The following MAN1C1 variants were observed in gnomAD, a reference collection of about 807,000 sequenced individuals.
The protein encoded by MAN1C1 is mannosidase alpha class 1C member 1.
A neutral mutation model predicts 71.5 loss-of-function variants in MAN1C1; 49 were observed. That is an observed-to-expected ratio of 0.69 (90% CI 0.54 to 0.87). The LOEUF (loss-of-function observed/expected upper bound fraction) is 0.87. Ranked by LOEUF, MAN1C1 falls within the 40% of genes least tolerant of loss-of-function variation. MAN1C1 has a pLI of 0.00. For synonymous variants in MAN1C1, 352 were observed against 343.7 expected, an observed-to-expected ratio of 1.02 and a Z score of -0.27; for missense variants, 743 against 835.0, an observed-to-expected ratio of 0.89 and a Z score of 1.36.
intron 6 of MAN1C1, among the ~76,000 whole-genome samples, chr1:25,763,144 T>C (rs1452078279): frequency 6.6e-6 from 1 of 152,152 alleles, no homozygotes; most frequent in East Asian, 1.9e-4. Context: ...GGTGCATGCC[T>C]GTAGTCTTAA....
chr1:25,754,094 A>C (rs1286171350), intron 5 of MAN1C1, among the ~76,000 whole-genome samples: 1 of 152,126 alleles, frequency 6.6e-6, no homozygotes, highest in Non-Finnish European at 1.5e-5. Flanking sequence ...CCTAGCTCTC[A>C]AGGAGCCCTA....
chr1:25,740,616 T>G (rs1410944576), intron 2 of MAN1C1, among the ~76,000 whole-genome samples: 1 of 152,086 alleles, frequency 6.6e-6, no homozygotes, highest in Non-Finnish European at 1.5e-5. Context: ...TTTTGTATTT[T>G]TAGTAGAGAC....
chr1:25,678,941 G>A (rs534598898), intron 1 of MAN1C1, among the ~76,000 whole-genome samples: 6 of 152,206 alleles, frequency 3.9e-5, no homozygotes, highest in African/African-American at 7.2e-5. Flanking sequence ...TTTCTTCAGC[G>A]AGCTTGTGTG....
At chr1:25,760,303 C>T (rs1372796780) in intron 6 of MAN1C1, 1 of 152,244 alleles carries the variant, frequency 6.6e-6, no homozygotes, top group Non-Finnish European at 1.5e-5. Context: ...TGCCCTGGGC[C>T]TTCCAGCTGG....
At chr1:25,763,726 C>T in intron 6 of MAN1C1, 148 bp from the exon 7 acceptor site, 2 of 666,986 alleles carry the variant, frequency 3.0e-6, no homozygotes, top group South Asian at 1.8e-5. Context: ...GGGTTGGAGC[C>T]TGCAGTCCGT....
chr1:25,678,725 A>G (rs2046103459), intron 1 of MAN1C1, among the ~76,000 whole-genome samples: 1 of 152,228 alleles, frequency 6.6e-6, no homozygotes, highest in African/African-American at 2.4e-5. Context: ...GTAAATGATG[A>G]TGAACCCACT....
intron 2 of MAN1C1, among the ~76,000 whole-genome samples, chr1:25,723,369 C>A (rs1049241309): frequency 6.6e-6 from 1 of 152,248 alleles, no homozygotes; most frequent in African/African-American, 2.4e-5. Flanking sequence ...TATTTCACTT[C>A]CAGAGATACC....
intron 1 of MAN1C1, chr1:25,644,519 T>TATATATATATATATATATATATA (rs1553182595): frequency 1.7e-5 from 1 of 58,446 alleles, no homozygotes; most frequent in African/African-American, 1.6e-4. Context: ...TATATATATA[T>TATATATATATATATATATATATA]TTTTTTTTTT....
intron 2 of MAN1C1, among the ~76,000 whole-genome samples, chr1:25,712,823 G>A (rs1232608317): frequency 1.3e-5 from 2 of 152,154 alleles, no homozygotes; most frequent in African/African-American, 4.8e-5. Context: ...CTGCAGATCT[G>A]TGGATTCCCA....
intron 1 of MAN1C1, among the ~76,000 whole-genome samples, chr1:25,674,771 C>T (rs952966334): frequency 0.089 from 10 of 112 alleles, no homozygotes; most frequent in South Asian, 0.5. Flanking sequence ...TGGGTGACTT[C>T]CTGGGCCTGA....
chr1:25,775,878 T>C lies in MAN1C1; in HGVS notation c.1258-2227T>C, dbSNP rs561487627. ...GTTTTTTTTGTTTTGTTTTGTTTTC[T>C]TGGGTTTTTTGTTTGTTTGTTTTTT... On this transcript the variant is annotated intron_variant, in intron 8 of 11. Coordinates refer to ENST00000374332, the MANE Select transcript of MAN1C1 (RefSeq NM_020379.4). The surrounding 1 kb of genome is among the most constrained non-coding windows in gnomAD (Gnocchi z 5.1). 1 of 152,752 alleles carries C rather than the reference T, an allele frequency of 6.5e-6. No homozygotes were observed. Among genetic ancestry groups the C allele is most frequent in the South Asian group, 2.1e-4 (1 of 4,826 alleles). The allele number at this position is 152,752 out of a possible 1,614,324, so 9.5% of individuals were successfully genotyped here. A position where few individuals can be genotyped will look rare whatever the true frequency, so the allele number is the denominator to read the frequency against.
Position 25,617,920 on chromosome 1 carries a change from C to T in MAN1C1, c.123C>T (p.Phe41=), listed in dbSNP as rs1331748731. The T allele has an allele frequency of 6.2e-7, 1 of 1,607,228 alleles. No individual in the cohort carries two copies. The highest frequency in any genetic ancestry group is 8.5e-7 in the Non-Finnish European group (1 of 1,177,602). The change falls in exon 1 of 12, where the codon TTC becomes TTT. Residue 41 remains phenylalanine (F), a synonymous_variant. Coordinates refer to ENST00000374332, the MANE Select transcript of MAN1C1 (RefSeq NM_020379.4). This position sits in a 1 kb window ranked among gnomAD's most constrained non-coding sequence, Gnocchi z 5.1. ...GLVTLCFGAL[F]LLPHSSRLKR... The stretch of plus-strand genomic sequence containing the variant: ...TCACCCTGTGCTTCGGGGCCCTCTT[C>T]CTGCTGCCCCACTCCTCTCGCCTCA...
chr1:25,656,093 G>GTTTTTTTTTTTTTT (rs1557751359), intron 1 of MAN1C1, among the ~76,000 whole-genome samples: 17 of 79,864 alleles, frequency 2.1e-4, no homozygotes, highest in African/African-American at 5.4e-4. Context: ...GGGATTATCA[G>GTTTTTTTTTTTTTT]TCTTTTTTTT....
intron 3 of MAN1C1, among the ~76,000 whole-genome samples, chr1:25,748,262 T>C (rs2047164731): frequency 6.6e-6 from 1 of 152,150 alleles, no homozygotes; most frequent in Non-Finnish European, 1.5e-5. Context: ...GAAATGGGAA[T>C]GATGACCCTC....
intron 1 of MAN1C1, among the ~76,000 whole-genome samples, chr1:25,647,027 C>G (rs1352718560): frequency 6.6e-6 from 1 of 152,126 alleles, no homozygotes; most frequent in Non-Finnish European, 1.5e-5. Context: ...TTTACACTCT[C>G]AATAGCAGTG....
chr1:25,778,414 C>G lies in MAN1C1; in HGVS notation c.1477+90C>G, dbSNP rs2047650406. 1 of 1,325,356 alleles carries G rather than the reference C, an allele frequency of 7.5e-7. No individual in the cohort carries two copies. Among genetic ancestry groups the G allele is most frequent in the Non-Finnish European group, 1.0e-6 (1 of 970,888 alleles). The allele number at this position is 1,325,356 out of a possible 1,614,324, so 82.1% of individuals were successfully genotyped here. A position where few individuals can be genotyped will look rare whatever the true frequency, so the allele number is the denominator to read the frequency against. ...GACCGGCAGCAGTGAGCGAAGGGAG[C>G]ACATGGCCTTAGGGAAGCCTCCCCT... is the stretch of plus-strand genomic sequence containing the variant. On this transcript the variant is annotated intron_variant, in intron 9 of 11. Transcript: ENST00000374332. This position sits in a 1 kb window ranked among gnomAD's most constrained non-coding sequence, Gnocchi z 5.5.
chr1:25,737,628 C>G (rs1418611569), intron 2 of MAN1C1, among the ~76,000 whole-genome samples: 1 of 152,158 alleles, frequency 6.6e-6, no homozygotes, highest in Non-Finnish European at 1.5e-5. Flanking sequence ...GCCACTGCAC[C>G]CTGGGATTCA....
chr1:25,632,639 A>G (rs2045399577), intron 1 of MAN1C1, among the ~76,000 whole-genome samples: 2 of 152,162 alleles, frequency 1.3e-5, no homozygotes, highest in Admixed American at 1.3e-4. Context: ...TTTTAGTGCT[A>G]TAAACTTTCC....
chr1:25,758,538 G>A lies in MAN1C1; in HGVS notation c.930-54G>A, dbSNP rs533998549. 107 of 1,503,774 alleles carry A rather than the reference G, an allele frequency of 7.1e-5. No homozygotes were observed. The African/African-American group carries it at 1.5e-3, about 22-fold the overall frequency. 93.2% of individuals were successfully genotyped at this position (1,503,774 alleles called of 1,614,324 possible). On this transcript the variant is annotated intron_variant, in intron 5 of 11. Transcript: ENST00000374332. ...CGAGCAGCTGCTGTTACTGTCAGCA[G>A]AGGAGCCAGCCTGGCCAAAGGGGGG...
Sources: allele counts gnomAD v4.1 joint callset (sites outside exome capture counted in the v4.1 genomes callset), GRCh38; gene constraint gnomAD v4.1.1; non-coding constraint Gnocchi (gnomAD v3.1); transcripts MANE v1.5; gene names NCBI Gene and HGNC (gene_info 2026-07-23, HGNC 2026-07-21).